Variants in RANBP17 observed in about 807,000 individuals in gnomAD.
RANBP17 encodes the protein RAN binding protein 17, also known as ran-binding protein 17.
A neutral mutation model predicts 141.2 loss-of-function variants in RANBP17; 158 were observed. The observed-to-expected ratio is 1.12, with a 90% CI of 0.98 to 1.28. RANBP17 has a LOEUF of 1.28. RANBP17 is among the 50% of genes most tolerant of loss of function. RANBP17 has a pLI of 0.00. For missense variants in RANBP17, 1,438 were observed against 1,290.7 expected, an observed-to-expected ratio of 1.11 and a Z score of -1.75; for synonymous variants, 430 against 450.0, an observed-to-expected ratio of 0.96 and a Z score of 0.56.
intron 4 of RANBP17, among the ~76,000 whole-genome samples, chr5:170,893,355 CTT>C (rs1769813807): frequency 1.3e-5 from 2 of 152,082 alleles, no homozygotes; most frequent in African/African-American, 4.8e-5. Context: ...TGAATCTGCT[CTT>C]GTTTCCTGTT....
chr5:170,997,041 A>G (rs1215355838), intron 14 of RANBP17, among the ~76,000 whole-genome samples: 13 of 152,192 alleles, frequency 8.5e-5, no homozygotes, highest in Admixed American at 8.5e-4. Context: ...TAATTGGATC[A>G]TGGGGGCAGT....
intron 13 of RANBP17, among the ~76,000 whole-genome samples, chr5:170,954,917 A>G (rs569628863): frequency 2.0e-5 from 3 of 152,296 alleles, no homozygotes; most frequent in Admixed American, 2.0e-4. Flanking sequence ...ACTGGGCTGC[A>G]TAGCAGGAGG....
intron 22 of RANBP17, among the ~76,000 whole-genome samples, chr5:171,223,449 C>T (rs903707095): frequency 2.2e-4 from 33 of 152,150 alleles, no homozygotes; most frequent in African/African-American, 7.7e-4. Context: ...TCCTGGCTAA[C>T]ATGGTGAAAC....
At chr5:171,072,539 A>T (rs947350212) in intron 14 of RANBP17, among the ~76,000 whole-genome samples, 1 of 152,176 alleles carries the variant, frequency 6.6e-6, no homozygotes, top group Non-Finnish European at 1.5e-5. Flanking sequence ...GATACTTAAC[A>T]TCATTTATCA....
At chr5:171,013,063 A>C (rs563174849) in intron 14 of RANBP17, among the ~76,000 whole-genome samples, 1 of 152,214 alleles carries the variant, frequency 6.6e-6, no homozygotes, top group Admixed American at 6.5e-5. Flanking sequence ...CTCAGAAGAC[A>C]TATTGCATTG....
chr5:171,185,053 C>G (rs531395272), intron 18 of RANBP17, among the ~76,000 whole-genome samples: 17 of 152,192 alleles, frequency 1.1e-4, no homozygotes, highest in African/African-American at 3.1e-4. Flanking sequence ...ATCCCAGCTA[C>G]TTGGGAGGCT....
chr5:171,203,324 C>T (rs1183485518), intron 19 of RANBP17, among the ~76,000 whole-genome samples: 1 of 152,154 alleles, frequency 6.6e-6, no homozygotes. Flanking sequence ...TAGTTAACAG[C>T]TTTCCTTTTT....
At chr5:170,872,602 A>G (rs2127328125) in intron 1 of RANBP17, among the ~76,000 whole-genome samples, 1 of 152,310 alleles carries the variant, frequency 6.6e-6, no homozygotes, top group Admixed American at 6.5e-5. Flanking sequence ...TTCAAAGGGA[A>G]TGCTTCTAGC....
intron 14 of RANBP17, among the ~76,000 whole-genome samples, chr5:171,140,423 G>A (rs1434826902): frequency 2.6e-5 from 4 of 152,158 alleles, no homozygotes; most frequent in Non-Finnish European, 5.9e-5. Flanking sequence ...AAGCTATACT[G>A]TGCTAAGTGA....
intron 22 of RANBP17, among the ~76,000 whole-genome samples, chr5:171,236,484 A>G (rs1033264450): frequency 6.6e-6 from 1 of 152,182 alleles, no homozygotes; most frequent in Non-Finnish European, 1.5e-5. Flanking sequence ...GAAGAAACAC[A>G]AGAGGCTGTC....
intron 25 of RANBP17, among the ~76,000 whole-genome samples, chr5:171,278,409 C>T (rs1767663774): frequency 6.6e-6 from 1 of 152,090 alleles, no homozygotes; most frequent in African/African-American, 2.4e-5. Flanking sequence ...ATCCCAGCTA[C>T]TTGGGAGGCT....
rs1172547337 is a variant in RANBP17, at chr5:171,002,659, G to C, written c.1710+34282G>C. Among the ~76,000 whole-genome samples, 3 of 152,288 alleles carry C rather than the reference G, an allele frequency of 2.0e-5. No homozygotes were observed. In the South Asian group the frequency reaches 6.2e-4, roughly 32 times the overall value. ...GGCAATGAGTTTGGCTTGCTGAGAGGTAGTGGAAGGGGGCAGAATGGTAGC... is the reference window on the plus strand; with the variant it reads ...GGCAATGAGTTTGGCTTGCTGAGAGCTAGTGGAAGGGGGCAGAATGGTAGC... On this transcript the variant is annotated intron_variant, in intron 14 of 27. Coordinates refer to ENST00000523189, the MANE Select transcript of RANBP17 (RefSeq NM_022897.5).
intron 14 of RANBP17, among the ~76,000 whole-genome samples, chr5:171,067,330 T>A (rs1466219863): frequency 6.6e-6 from 1 of 152,170 alleles, no homozygotes; most frequent in Non-Finnish European, 1.5e-5. Context: ...ACAAATTACA[T>A]CTGTATACAT....
At chr5:171,018,479 G>A (rs905187723) in intron 14 of RANBP17, among the ~76,000 whole-genome samples, 9 of 152,112 alleles carry the variant, frequency 5.9e-5, no homozygotes, top group African/African-American at 2.2e-4. Context: ...TACATCCCTT[G>A]TTAGCTGTAT....
chr5:171,209,361 A>G (rs961693631), intron 20 of RANBP17, among the ~76,000 whole-genome samples: 6 of 152,232 alleles, frequency 3.9e-5, no homozygotes, highest in African/African-American at 1.4e-4. Context: ...GGTAGTATAA[A>G]GAAACTAATG....
chr5:171,175,815 TA>T (rs1317480957), intron 16 of RANBP17, among the ~76,000 whole-genome samples: 1 of 151,764 alleles, frequency 6.6e-6, no homozygotes, highest in East Asian at 1.9e-4. Context: ...TTTTTTTTTT[TA>T]CCTTATGGAT....
intron 12 of RANBP17, among the ~76,000 whole-genome samples, chr5:170,932,250 C>T (rs962568127): frequency 6.6e-5 from 10 of 152,058 alleles, no homozygotes; most frequent in African/African-American, 2.4e-4. Flanking sequence ...TTTTTGCACA[C>T]TGATTTTGTA....
intron 14 of RANBP17, among the ~76,000 whole-genome samples, chr5:171,029,867 GTAAAT>G (rs1425045532): frequency 2.0e-5 from 3 of 151,928 alleles, no homozygotes; most frequent in Non-Finnish European, 4.4e-5. Flanking sequence ...GACATTTTAA[GTAAAT>G]TAGTTTAAGT....
At position 171,213,611 on chromosome 5, in the gene RANBP17, T is replaced by G. The variant is rs780643158; in HGVS notation, c.2232-20T>G. 1 of 1,575,150 alleles carries G rather than the reference T, an allele frequency of 6.3e-7. No homozygotes were observed. Among genetic ancestry groups the G allele is most frequent in the East Asian group, 2.2e-5 (1 of 44,682 alleles). On this transcript the variant is annotated intron_variant, in intron 20 of 27. Transcript: ENST00000523189. ...AGTATTTCTTTAGACCCTTAAATTC[T>G]TTAACAGGCTTTATAAAAGGTACCC... is the stretch of plus-strand genomic sequence containing the variant.
Sources: gnomAD v4.1 joint callset for allele counts (sites outside exome capture counted in the v4.1 genomes callset) on GRCh38, gnomAD v4.1.1 for gene constraint, MANE v1.5 for transcripts, NCBI Gene and HGNC (gene_info 2026-07-23, HGNC 2026-07-21) for gene names.